The following PGM1 variants were observed in gnomAD, a reference collection of about 807,000 sequenced individuals.
PGM1 encodes phosphoglucomutase-1.
A neutral mutation model predicts 55.6 loss-of-function variants in PGM1; 52 were observed. That is an observed-to-expected ratio of 0.94 (90% CI 0.75 to 1.18). The LOEUF (loss-of-function observed/expected upper bound fraction) is 1.18. Among genes scored for constraint, PGM1 ranks in the 50% most tolerant of loss-of-function variants. PGM1 has a pLI of 0.00. For missense variants in PGM1, 724 were observed against 729.3 expected (o/e 0.99, Z 0.08); for synonymous variants, 287 against 271.7 (o/e 1.06, Z -0.55).
At chr1:63,610,507 C>T (rs1310026665) in intron 1 of PGM1, among the ~76,000 whole-genome samples, 2 of 152,138 alleles carry the variant, frequency 1.3e-5, no homozygotes, top group Non-Finnish European at 2.9e-5. Flanking sequence ...GATTCCTGGA[C>T]ATGGTAGTTA....
chr1:63,628,705 A>G (rs1649105474), intron 1 of PGM1, among the ~76,000 whole-genome samples: 1 of 152,190 alleles, frequency 6.6e-6, no homozygotes, highest in Admixed American at 6.5e-5. Flanking sequence ...TACTGATACC[A>G]TCTGTAAGAG....
intron 7 of PGM1, among the ~76,000 whole-genome samples, chr1:63,640,034 C>T (rs1483393347): frequency 6.6e-6 from 1 of 152,196 alleles, no homozygotes; most frequent in Non-Finnish European, 1.5e-5. Context: ...GATTACAAGG[C>T]CACTGCTTAG....
intron 9 of PGM1, 48 bp downstream of exon 9, chr1:63,651,900 T>TGAAG: frequency 6.7e-7 from 1 of 1,492,276 alleles, no homozygotes. Flanking sequence ...CAGAGCTTCA[T>TGAAG]CTCTGACATC....
In PGM1 at chr1:63,651,798, G is replaced by T; in HGVS notation, c.1410G>T (p.Lys470Asn). 6.2e-7 allele frequency: 1 copy of T among 1,614,024 alleles called. No individual in the cohort carries two copies. Among genetic ancestry groups the T allele is most frequent in the Non-Finnish European group, 8.5e-7 (1 of 1,179,950 alleles). The change falls in exon 9 of 11, where the codon AAG (lysine) becomes AAT (asparagine). Residue 470 changes from lysine to asparagine, a missense_variant. Transcript: ENST00000371084. ...ATGACAAAGTTTACACTGTGGAGAA[G>T]GCCGATAACTTTGAATACAGCGACC... ...SANDKVYTVE[K>N]ADNFEYSDPV...
chr1:63,601,371 G>T (rs1570470599), intron 1 of PGM1, among the ~76,000 whole-genome samples: 1 of 152,180 alleles, frequency 6.6e-6, no homozygotes, highest in African/African-American at 2.4e-5. Context: ...TAATTTTTAT[G>T]TCACAGTGGT....
intron 1 of PGM1, among the ~76,000 whole-genome samples, chr1:63,599,545 T>A (rs1648176140): frequency 6.6e-6 from 1 of 150,982 alleles, no homozygotes; most frequent in South Asian, 2.1e-4. Flanking sequence ...CCGGGCATGG[T>A]GGCTTACCGC....
chr1:63,645,030 A>G (rs1209994688), intron 7 of PGM1, among the ~76,000 whole-genome samples: 1 of 152,236 alleles, frequency 6.6e-6, no homozygotes, highest in East Asian at 1.9e-4. Context: ...GGCATCATTC[A>G]TCAGAACCCT....
intron 1 of PGM1, among the ~76,000 whole-genome samples, chr1:63,607,660 T>C (rs544792941): frequency 6.6e-6 from 1 of 152,300 alleles, no homozygotes; most frequent in African/African-American, 2.4e-5. Context: ...GGGTAAGCAA[T>C]CAGATTTCTT....
chr1:63,609,923 G>A (rs988355379), intron 1 of PGM1, among the ~76,000 whole-genome samples: 2 of 152,162 alleles, frequency 1.3e-5, no homozygotes, highest in African/African-American at 4.8e-5. Context: ...TTTGACTGAT[G>A]ATATTTTCAA....
At chr1:63,633,097 C>T (rs999323800) in intron 4 of PGM1, among the ~76,000 whole-genome samples, 3 of 152,092 alleles carry the variant, frequency 2.0e-5, no homozygotes, top group African/African-American at 7.2e-5. Context: ...CAAGTATTCT[C>T]TTTGGGGTTG....
intron 1 of PGM1, among the ~76,000 whole-genome samples, chr1:63,609,443 A>G (rs1365824070): frequency 1.3e-5 from 2 of 152,284 alleles, no homozygotes; most frequent in Non-Finnish European, 2.9e-5. Context: ...GATGAGTAAG[A>G]CAAAGTCCTT....
chr1:63,608,110 A>G (rs2100963521), intron 1 of PGM1, among the ~76,000 whole-genome samples: 1 of 150,108 alleles, frequency 6.7e-6, no homozygotes, highest in African/African-American at 2.5e-5. Context: ...GATTGTTTTG[A>G]AAGAGATAAT....
At chr1:63,599,608 G>A (rs1035428100) in intron 1 of PGM1, among the ~76,000 whole-genome samples, 1 of 152,020 alleles carries the variant, frequency 6.6e-6, no homozygotes, top group African/African-American at 2.4e-5. Context: ...GGACAACATG[G>A]TGAAACCCCT....
chr1:63,638,371 G>C (rs994238970), intron 6 of PGM1, among the ~76,000 whole-genome samples: 1 of 152,190 alleles, frequency 6.6e-6, no homozygotes, highest in Non-Finnish European at 1.5e-5. Context: ...TATAGATGCA[G>C]TCTGTATCCA....
At chr1:63,645,572 C>T (rs1649626591) in intron 7 of PGM1, among the ~76,000 whole-genome samples, 1 of 151,874 alleles carries the variant, frequency 6.6e-6, no homozygotes, top group Admixed American at 6.6e-5. Context: ...GCTTTTTGCT[C>T]CTTAAAATAG....
chr1:63,636,581 C>G (rs1397096749), intron 6 of PGM1, among the ~76,000 whole-genome samples, 193 bp downstream of exon 6: 1 of 152,184 alleles, frequency 6.6e-6, no homozygotes, highest in Non-Finnish European at 1.5e-5. Flanking sequence ...ACTCCCTTGG[C>G]ACCCTGGGCC....
intron 7 of PGM1, among the ~76,000 whole-genome samples, chr1:63,647,520 T>C (rs1438207818): frequency 2.7e-5 from 4 of 149,514 alleles, no homozygotes; most frequent in African/African-American, 9.8e-5. Context: ...TATAAATATA[T>C]AAAAAGACAT....
At chr1:63,604,189 C>A (rs887789166) in intron 1 of PGM1, among the ~76,000 whole-genome samples, 2 of 152,184 alleles carry the variant, frequency 1.3e-5, no homozygotes, top group African/African-American at 4.8e-5. Flanking sequence ...ATGTACACCA[C>A]GTAGCCTATA....
chr1:63,658,953 T>C (rs931068283), intron 10 of PGM1, among the ~76,000 whole-genome samples: 20 of 152,054 alleles, frequency 1.3e-4, no homozygotes, highest in African/African-American at 4.6e-4. Context: ...AAGAGAGAAA[T>C]TGTGCAGGGA....
Sources: gnomAD v4.1 joint callset for allele counts (sites outside exome capture counted in the v4.1 genomes callset) on GRCh38, gnomAD v4.1.1 for gene constraint, MANE v1.5 for transcripts, NCBI Gene and HGNC (gene_info 2026-07-23, HGNC 2026-07-21) for gene names.